CCR5AS: variants seen among roughly 807,000 people sequenced by gnomAD.
CCR5AS encodes CCR5 antisense RNA.
intron 2 of CCR5AS, chr3:46,372,987 G>T (rs1800939): frequency 2.0e-5 from 32 of 1,613,724 alleles, no homozygotes; most frequent in African/African-American, 4.0e-5. Context: ...GAAGCAAATC[G>T]CAGCCCGCCT....
intron 1 of CCR5AS, among the ~76,000 whole-genome samples, chr3:46,394,914 G>A (rs1701946785): frequency 6.6e-6 from 1 of 152,164 alleles, no homozygotes; most frequent in African/African-American, 2.4e-5. Flanking sequence ...CCATGGCATG[G>A]GTGGAGAGGA....
intron 1 of CCR5AS, among the ~76,000 whole-genome samples, chr3:46,398,795 C>T (rs749065213): frequency 4.6e-5 from 7 of 152,218 alleles, no homozygotes; most frequent in South Asian, 4.1e-4. Flanking sequence ...TATTCACCCC[C>T]CAAGGCCACT....
intron 2 of CCR5AS, among the ~76,000 whole-genome samples, chr3:46,388,263 C>A (rs1701879796): frequency 6.6e-6 from 1 of 151,296 alleles, no homozygotes; most frequent in Non-Finnish European, 1.5e-5. Flanking sequence ...TTAGGGGTGA[C>A]ACAGGAACCT....
rs147939129 is a variant in CCR5AS, at chr3:46,377,206, C to T, written n.392-5789G>A. ...TATTAAATGTCTTCCAACGTTAGCA[C>T]GAAGAAAAGCTATTTGCAGTGTTGC... is the stretch of plus-strand genomic sequence containing the variant. On this transcript the variant is annotated intron_variant and non_coding_transcript_variant, in intron 2 of 3. Coordinates refer to ENST00000451485, the Ensembl canonical transcript of CCR5AS. 2.7e-3 allele frequency among the ~76,000 whole-genome samples: 404 copies of T among 152,244 alleles called. 3 individuals are homozygous for T. The highest frequency in any genetic ancestry group is 8.9e-3 in the African/African-American group (368 of 41,530).
At chr3:46,391,963 C>T (rs552690874) in intron 2 of CCR5AS, among the ~76,000 whole-genome samples, 1 of 152,260 alleles carries the variant, frequency 6.6e-6, no homozygotes, top group East Asian at 1.9e-4. Context: ...GGAGCAGAGA[C>T]TAGAGAGGGA....
At chr3:46,404,714 C>T (rs1702031536) in intron 1 of CCR5AS, among the ~76,000 whole-genome samples, 1 of 152,136 alleles carries the variant, frequency 6.6e-6, no homozygotes, top group African/African-American at 2.4e-5. Context: ...CTGTCCTTCC[C>T]TGCTTCGCCT....
intron 2 of CCR5AS, among the ~76,000 whole-genome samples, chr3:46,382,619 T>C (rs1036967725): frequency 6.6e-6 from 1 of 152,150 alleles, no homozygotes; most frequent in Non-Finnish European, 1.5e-5. Flanking sequence ...GGAGATCCAA[T>C]ATAATTTTTT....
chr3:46,384,210 G>C (rs905285292), intron 2 of CCR5AS, among the ~76,000 whole-genome samples: 2 of 152,240 alleles, frequency 1.3e-5, no homozygotes, highest in African/African-American at 4.8e-5. Context: ...GGACCCGAGA[G>C]ATTGGTCAGA....
At chr3:46,405,938 T>G (rs1305538113) in intron 1 of CCR5AS, among the ~76,000 whole-genome samples, 1 of 151,246 alleles carries the variant, frequency 6.6e-6, no homozygotes, top group Admixed American at 6.6e-5. Context: ...CAGAGTGGCA[T>G]GATCATGGCT....
intron 2 of CCR5AS, among the ~76,000 whole-genome samples, chr3:46,386,874 G>T (rs1333306944): frequency 6.6e-6 from 1 of 152,196 alleles, no homozygotes; most frequent in Non-Finnish European, 1.5e-5. Context: ...AAATAATCCA[G>T]TGGGGTGAGA....
At chr3:46,372,311 G>A (rs531725192) in intron 2 of CCR5AS, among the ~76,000 whole-genome samples, 2 of 152,210 alleles carry the variant, frequency 1.3e-5, no homozygotes, top group African/African-American at 4.8e-5. Flanking sequence ...CAGGAGGATC[G>A]CTTGAGCCCA....
intron 2 of CCR5AS, among the ~76,000 whole-genome samples, chr3:46,387,576 C>T (rs1028136690): frequency 1.3e-5 from 2 of 152,118 alleles, no homozygotes; most frequent in African/African-American, 4.8e-5. Flanking sequence ...TGGCAAAACC[C>T]CGTCTCTACA....
chr3:46,389,173 T>C lies in CCR5AS; in HGVS notation n.391+3652A>G, dbSNP rs144229506. On this transcript the variant is annotated intron_variant and non_coding_transcript_variant, in intron 2 of 3. Coordinates refer to ENST00000451485, the Ensembl canonical transcript of CCR5AS. ...AGACTTAATAGAATGAAGAGATGTA[T>C]TAGGCTCATAAGGGTTATTATTGTT... 2.5e-3 allele frequency among the ~76,000 whole-genome samples: 373 copies of C among 152,216 alleles called. 1 individual carries two copies. The highest frequency in any genetic ancestry group is 8.8e-3 in the African/African-American group (364 of 41,524).
At chr3:46,367,659 C>T (rs554652414) in intron 3 of CCR5AS, among the ~76,000 whole-genome samples, 87 of 152,308 alleles carry the variant, frequency 5.7e-4, no homozygotes, top group Admixed American at 5.5e-3. Context: ...CAACCTCCAT[C>T]TCCTGGGTTC....
rs561613738 is a variant in CCR5AS at position 46,389,447 on chromosome 3, T to G, written n.391+3378A>C. On this transcript the variant is annotated intron_variant and non_coding_transcript_variant, in intron 2 of 3. Coordinates refer to ENST00000451485, the Ensembl canonical transcript of CCR5AS. ...GGACTGATTGCCCAGCTAAGGTATCTTCACATGGCTGGGAGTTTGGAGGAG... is the reference window on the plus strand; with the variant it reads ...GGACTGATTGCCCAGCTAAGGTATCGTCACATGGCTGGGAGTTTGGAGGAG... 5.3e-5 allele frequency among the ~76,000 whole-genome samples: 8 copies of G among 152,312 alleles called. No individual in the cohort carries two copies. The East Asian group carries it at 1.5e-3, about 29-fold the overall frequency.
chr3:46,368,640 T>A (rs368822450), intron 3 of CCR5AS, among the ~76,000 whole-genome samples: 29 of 152,314 alleles, frequency 1.9e-4, no homozygotes, highest in African/African-American at 6.7e-4. Context: ...GGCCATAGAA[T>A]CATGTAGTAT....
chr3:46,392,375 A>G (rs559526983), intron 2 of CCR5AS, among the ~76,000 whole-genome samples: 15 of 152,328 alleles, frequency 9.8e-5, no homozygotes, highest in African/African-American at 3.4e-4. Context: ...TTAAGTTTTA[A>G]GAACACAGGC....
At chr3:46,405,930 G>A (rs1001531531) in intron 1 of CCR5AS, among the ~76,000 whole-genome samples, 1 of 150,850 alleles carries the variant, frequency 6.6e-6, no homozygotes, top group Non-Finnish European at 1.5e-5. Flanking sequence ...CCAGAGTGCA[G>A]AGTGGCATGA....
chr3:46,376,207 T>C, intron 2 of CCR5AS: 1 of 163,476 alleles, frequency 6.1e-6, no homozygotes. Context: ...TCTAAAATAA[T>C]TCATTATATT....
Sources: gnomAD v4.1 joint callset for allele counts (sites outside exome capture counted in the v4.1 genomes callset) on GRCh38, gnomAD v4.1.1 for gene constraint, MANE v1.5 for transcripts, NCBI Gene and HGNC (gene_info 2026-07-23, HGNC 2026-07-21) for gene names.